The following FGF13 variants were observed in gnomAD, a reference collection of about 807,000 sequenced individuals.
The protein encoded by FGF13 is fibroblast growth factor homologous factor 2.
FGF13 carries 2 observed loss-of-function variants against 19.5 expected under a neutral mutation model. The ratio of observed to expected loss-of-function variants is 0.10; its 90% confidence interval spans 0.04 to 0.32. FGF13 has a LOEUF of 0.32. Among genes scored for constraint, FGF13 ranks in the 10% least tolerant of loss-of-function variants. FGF13 has a pLI of 1.00. For missense variants in FGF13, 113 were observed against 192.7 expected (o/e 0.59, Z 2.45); for synonymous variants, 72 against 76.9 (o/e 0.94, Z 0.33).
intron 1 of FGF13, among the ~76,000 whole-genome samples, chrX:139,058,740 G>C: frequency 9.0e-6 from 1 of 111,060 alleles, no homozygotes. Context: ...TATAATAGTT[G>C]CAGGTTCCTG....
At chrX:139,020,796 C>T (rs956433361) in intron 1 of FGF13, among the ~76,000 whole-genome samples, 25 of 110,913 alleles carry the variant, frequency 2.3e-4, no homozygotes, top group Middle Eastern at 4.2e-3. Flanking sequence ...TTATTGCATC[C>T]CAAGGTTCAC....
intron 1 of FGF13, among the ~76,000 whole-genome samples, chrX:139,073,998 G>A (rs1027407457): frequency 3.6e-5 from 4 of 112,264 alleles, no homozygotes; most frequent in Non-Finnish European, 5.6e-5. Flanking sequence ...GTAGTCCTTG[G>A]GCTGTCTTTT....
At chrX:139,004,663 A>G (rs752327866) in intron 1 of FGF13, among the ~76,000 whole-genome samples, 4 of 112,184 alleles carry the variant, frequency 3.6e-5, no homozygotes, top group African/African-American at 9.7e-5. Flanking sequence ...TGGCTCTTCA[A>G]TGACATTTCT....
At chrX:138,779,438 A>C (rs2090619182) in intron 3 of FGF13, among the ~76,000 whole-genome samples, 1 of 110,215 alleles carries the variant, frequency 9.1e-6, no homozygotes, top group Admixed American at 9.7e-5. Flanking sequence ...AGAATGTATA[A>C]CTAGAATAAC....
intron 1 of FGF13, among the ~76,000 whole-genome samples, chrX:138,986,455 C>A (rs771145963): frequency 2.7e-5 from 3 of 112,419 alleles, no homozygotes; most frequent in East Asian, 2.8e-4. Context: ...GCCTGAATTT[C>A]TTCCACTACA....
intron 1 of FGF13, among the ~76,000 whole-genome samples, chrX:139,193,238 G>A (rs761302214): frequency 6.3e-5 from 7 of 110,737 alleles, no homozygotes; most frequent in Non-Finnish European, 1.1e-4. Flanking sequence ...CAAATTCTAC[G>A]TAGATAGCCC....
At chrX:138,698,983 C>T (rs749025651) in intron 3 of FGF13, among the ~76,000 whole-genome samples, 30 of 111,633 alleles carry the variant, frequency 2.7e-4, no homozygotes, top group Non-Finnish European at 4.5e-4. Flanking sequence ...TGACCCACGG[C>T]CTTAGCTTAC....
In FGF13 at chrX:138,629,238, C is replaced by T. The variant is rs2089092660; in HGVS notation, c.*3612G>A. 8.9e-6 allele frequency: 1 copy of T among 112,383 alleles called. No individual in the cohort carries two copies. The highest frequency in any genetic ancestry group is 1.9e-5 in the Non-Finnish European group (1 of 53,289). 9.3% of individuals were successfully genotyped at this position (112,383 alleles called of 1,213,427 possible). On this transcript the variant is annotated 3_prime_UTR_variant, in exon 5 of 5. Transcript: ENST00000315930. ...TAATAGACGCTCCATGAAAATGTGG[C>T]TTTGTGGCCCAATAAGTTTGTCTCA...
chrX:138,788,245 C>A (rs753680853), intron 3 of FGF13, among the ~76,000 whole-genome samples: 1 of 112,285 alleles, frequency 8.9e-6, no homozygotes, highest in South Asian at 3.7e-4. Context: ...GAAGGGGTGA[C>A]CAGTTGCAAG....
chrX:138,815,277 A>G (rs1054321090), intron 3 of FGF13, among the ~76,000 whole-genome samples: 1 of 111,044 alleles, frequency 9.0e-6, no homozygotes, highest in Admixed American at 9.7e-5. Flanking sequence ...TGATGATTAT[A>G]GTTAATAATA....
At chrX:139,087,221 G>A (rs1012933228) in intron 1 of FGF13, among the ~76,000 whole-genome samples, 1 of 110,619 alleles carries the variant, frequency 9.0e-6, no homozygotes, top group Non-Finnish European at 1.9e-5. Flanking sequence ...GCTTGAACCC[G>A]GGAGGCAGAG....
At chrX:138,920,487 A>G (rs1412598114) in intron 1 of FGF13, among the ~76,000 whole-genome samples, 1 of 111,884 alleles carries the variant, frequency 8.9e-6, no homozygotes, top group African/African-American at 3.2e-5. Flanking sequence ...ACATGGTCCC[A>G]CAAGACAAGC....
intron 1 of FGF13, among the ~76,000 whole-genome samples, chrX:138,960,820 T>G (rs1452180065): frequency 8.9e-6 from 1 of 112,062 alleles, no homozygotes; most frequent in Non-Finnish European, 1.9e-5. Flanking sequence ...AGCTTGTGCA[T>G]GCATCAAATA....
At chrX:138,699,257 G>A (rs890266564) in intron 3 of FGF13, among the ~76,000 whole-genome samples, 3 of 111,715 alleles carry the variant, frequency 2.7e-5, no homozygotes, top group Non-Finnish European at 5.7e-5. Context: ...CAAGATGAAT[G>A]TAATTCTTTC....
At chrX:139,087,598 T>C (rs1430014484) in intron 1 of FGF13, among the ~76,000 whole-genome samples, 2 of 112,117 alleles carry the variant, frequency 1.8e-5, no homozygotes, top group East Asian at 2.8e-4. Flanking sequence ...TTGAGCAAAG[T>C]CATCCTTGTT....
chrX:139,204,320 T>C (rs748406168), upstream of FGF13: 2 of 325,745 alleles, frequency 6.1e-6, no homozygotes, highest in African/African-American at 2.8e-5. Flanking sequence ...GGAGCCGCCG[T>C]CGCCGCCGCC....
In FGF13 at chrX:138,739,346, G is replaced by C. The variant is rs147263364; in HGVS notation, c.-77C>G. ...AGACACAGAGAGAGAGGAGATCAGA[G>C]AAAGTTTAAGGCATATCTAAAGTAT... On this transcript the variant is annotated 5_prime_UTR_variant, in exon 1 of 5. Coordinates refer to the FGF13 transcript ENST00000305414. 275 of 1,097,968 alleles carry C rather than the reference G, an allele frequency of 2.5e-4. No individual in the cohort carries two copies. The African/African-American group carries it at 4.7e-3, about 19-fold the overall frequency. 90.5% of individuals were successfully genotyped at this position (1,097,968 alleles called of 1,213,427 possible).
chrX:138,624,130 A>G lies in FGF13; in HGVS notation c.*8720T>C, dbSNP rs1469500199. The G allele has an allele frequency of 9.0e-6, 1 of 111,328 alleles. No homozygotes were observed. Among genetic ancestry groups the G allele is most frequent in the African/African-American group, 3.2e-5 (1 of 30,776 alleles). 9.2% of individuals were successfully genotyped at this position (111,328 alleles called of 1,213,427 possible). A position where few individuals can be genotyped will look rare whatever the true frequency, so the allele number is the denominator to read the frequency against. On this transcript the variant is annotated 3_prime_UTR_variant, in exon 5 of 5. Coordinates refer to ENST00000315930, the MANE Select transcript of FGF13 (RefSeq NM_004114.5). ...CCACCTAAGTCCCCAAAGATCTAAA[A>G]CAATCTTGAGAAAGAAGTTTAGAAC...
At chrX:138,873,920 G>A (rs904624505) in intron 1 of FGF13, among the ~76,000 whole-genome samples, 8 of 99,848 alleles carry the variant, frequency 8.0e-5, no homozygotes, top group Non-Finnish European at 9.9e-5. Flanking sequence ...ACCAAACACC[G>A]CATGTTCTCA....
Sources: allele counts gnomAD v4.1 joint callset (sites outside exome capture counted in the v4.1 genomes callset), GRCh38; gene constraint gnomAD v4.1.1; transcripts MANE v1.5; gene names NCBI Gene and HGNC (gene_info 2026-07-23, HGNC 2026-07-21).